Variants in FAM135B observed in about 807,000 individuals in gnomAD.
The protein encoded by FAM135B is family with sequence similarity 135 member B.
Under a neutral mutation model 127.7 loss-of-function variants are expected in FAM135B, and 43 were observed. That is an observed-to-expected ratio of 0.34 (90% CI 0.26 to 0.43). The LOEUF (loss-of-function observed/expected upper bound fraction) is 0.43, where lower values mean the gene tolerates loss of function less well. Among genes scored for constraint, FAM135B ranks in the 20% least tolerant of loss-of-function variants. The pLI, the probability that FAM135B is intolerant of heterozygous loss-of-function variation, is 1.00. For missense variants in FAM135B, 1,558 were observed against 1,725.6 expected (o/e 0.90, Z 1.72); for synonymous variants, 670 against 665.1 (o/e 1.01, Z -0.11).
At chr8:138,314,865 C>CG (rs1261936656) in intron 2 of FAM135B, among the ~76,000 whole-genome samples, 2 of 115,916 alleles carry the variant, frequency 1.7e-5, no homozygotes, top group East Asian at 5.2e-4. Flanking sequence ...GGTTGTCAGG[C>CG]GGAGACCTTA....
Position 138,243,195 on chromosome 8 carries a change from C to T in FAM135B, c.543-127G>A. 1 of 1,103,272 alleles carries T rather than the reference C, an allele frequency of 9.1e-7. No individual in the cohort carries two copies. Among genetic ancestry groups the T allele is most frequent in the South Asian group, 1.8e-5 (1 of 54,656 alleles). The allele number at this position is 1,103,272 out of a possible 1,614,324, so 68.3% of individuals were successfully genotyped here. A position where few individuals can be genotyped will look rare whatever the true frequency, so the allele number is the denominator to read the frequency against. ...AAGTCATTTAGGAGTAGTTCACCCCCTAGGGAGTGTTTGCATGTGACATTT... is the reference window on the plus strand; with the variant it reads ...AAGTCATTTAGGAGTAGTTCACCCCTTAGGGAGTGTTTGCATGTGACATTT... On this transcript the variant is annotated intron_variant, in intron 6 of 19. Transcript: ENST00000395297. The surrounding 1 kb of genome is among the most constrained non-coding windows in gnomAD (Gnocchi z 7.5).
At chr8:138,140,734 T>C (rs1288879119) in intron 17 of FAM135B, among the ~76,000 whole-genome samples, 2 of 152,142 alleles carry the variant, frequency 1.3e-5, no homozygotes, top group Admixed American at 6.5e-5. Context: ...CATATATGTA[T>C]ACATACATAT....
chr8:138,430,911 C>T (rs923097379), intron 1 of FAM135B, among the ~76,000 whole-genome samples: 1 of 152,114 alleles, frequency 6.6e-6, no homozygotes, highest in Non-Finnish European at 1.5e-5. Flanking sequence ...TTCCTCATCC[C>T]TAAAATGGGA....
chr8:138,378,730 T>G (rs1467895087), intron 1 of FAM135B, among the ~76,000 whole-genome samples: 4 of 151,114 alleles, frequency 2.6e-5, no homozygotes, highest in Non-Finnish European at 5.9e-5. Context: ...GCTGTGTATG[T>G]TTGCTTTTTT....
intron 1 of FAM135B, among the ~76,000 whole-genome samples, chr8:138,418,886 A>C (rs554751870): frequency 1.0e-3 from 144 of 143,572 alleles, no homozygotes; most frequent in Middle Eastern, 3.6e-3. Flanking sequence ...ACCAACCACA[A>C]AAAAAAAAAA....
At chr8:138,233,004 T>C (rs1020641099) in intron 7 of FAM135B, among the ~76,000 whole-genome samples, 2 of 152,196 alleles carry the variant, frequency 1.3e-5, no homozygotes, top group African/African-American at 4.8e-5. Context: ...AGCTTGACTA[T>C]ATTAGATACC....
At chr8:138,391,469 G>A (rs1832572622) in intron 1 of FAM135B, among the ~76,000 whole-genome samples, 1 of 151,972 alleles carries the variant, frequency 6.6e-6, no homozygotes, top group South Asian at 2.1e-4. Flanking sequence ...GAACAGTCAA[G>A]CCATTTCATA....
chr8:138,200,303 T>G (rs780249243), intron 7 of FAM135B, among the ~76,000 whole-genome samples: 2 of 152,214 alleles, frequency 1.3e-5, no homozygotes, highest in Non-Finnish European at 2.9e-5. Context: ...CACCAGGCAT[T>G]CAGGGTAACC....
chr8:138,347,460 G>A (rs1192423645), intron 2 of FAM135B, among the ~76,000 whole-genome samples: 2 of 152,166 alleles, frequency 1.3e-5, no homozygotes, highest in Admixed American at 1.3e-4. Flanking sequence ...AGTCCCACAG[G>A]TCACCTCTGC....
chr8:138,178,384 G>C (rs538223829), intron 10 of FAM135B, 151 bp downstream of exon 10: 2 of 812,086 alleles, frequency 2.5e-6, no homozygotes, highest in South Asian at 3.6e-5. Flanking sequence ...GGCTAAGGAA[G>C]TTCACAACGC....
In FAM135B at chr8:138,137,228, C is replaced by A. The variant is rs766407169; in HGVS notation, c.3934G>T (p.Ala1312Ser). Residue 1312 changes from alanine (A) to serine (S), a missense_variant, in exon 19 of 20, where the codon GCT becomes TCT. Physicochemically the swap from Ala to Ser is moderately conservative, Grantham distance 99 (BLOSUM62 1). This residue lies in a region of FAM135B where 194 missense variants were observed against 333.8 expected (regional missense o/e 0.58). Transcript: ENST00000395297. ...GGCACATAACGGTCTTGGGGAGAAG[C>A]AACCAGCACGACGTTTTTAAAATAC... ...LQYFKNVVLV[A>S]SPQDRYVPFH... 3 of 1,611,436 alleles carry A rather than the reference C, an allele frequency of 1.9e-6. No homozygotes were observed. The highest frequency in any genetic ancestry group is 2.5e-6 in the Non-Finnish European group (3 of 1,177,574).
chr8:138,302,187 C>G (rs901157457), intron 3 of FAM135B, among the ~76,000 whole-genome samples: 7 of 151,830 alleles, frequency 4.6e-5, no homozygotes, highest in Admixed American at 6.6e-5. Context: ...AAATGAATTC[C>G]AAGGAGGGGG....
At chr8:138,343,840 C>T (rs186575485) in intron 2 of FAM135B, among the ~76,000 whole-genome samples, 30 of 152,344 alleles carry the variant, frequency 2.0e-4, no homozygotes, top group African/African-American at 6.5e-4. Flanking sequence ...CAGCCCCCTG[C>T]AGTGCACTGG....
Position 138,466,885 on chromosome 8 carries a change from G to T in FAM135B, c.-20+29786C>A, listed in dbSNP as rs141631296. ...AGCAAATTTATACAAACTTTACTTT[G>T]ATGATTCAGGATCAGGCAGTTGTGT... On this transcript the variant is annotated intron_variant, in intron 1 of 19. Transcript: ENST00000395297. Among the ~76,000 whole-genome samples, 107 of 152,246 alleles carry T rather than the reference G, an allele frequency of 7.0e-4. 3 individuals carry two copies. In the East Asian group the frequency reaches 0.019, roughly 27 times the overall value.
rs575052588 is a variant in FAM135B, at chr8:138,276,880, T to C, written c.158-11038A>G. Among the ~76,000 whole-genome samples the C allele has an allele frequency of 3.2e-4, 49 of 152,264 alleles. No individual in the cohort carries two copies. In the South Asian group the frequency reaches 9.3e-3, roughly 29 times the overall value. On this transcript the variant is annotated intron_variant, in intron 3 of 19. Transcript: ENST00000395297. ...ACCGGCTGCCCTGGTGTAAATCCTC[T>C]AGCTATGAATGATAGAGAAGGTGAG...
Position 138,182,225 on chromosome 8 carries a change from G to C in FAM135B, c.874-3535C>G, listed in dbSNP as rs531456927. Among the ~76,000 whole-genome samples, 6 of 152,362 alleles carry C rather than the reference G, an allele frequency of 3.9e-5. No homozygotes were observed. In the East Asian group the frequency reaches 1.2e-3, roughly 29 times the overall value. On this transcript the variant is annotated intron_variant, in intron 9 of 19. Transcript: ENST00000395297. ...GTTGCCTCAAGTTGATTATAGAAAT[G>C]GCTTTAGATAAGGTTAAAGAAGCTT...
intron 9 of FAM135B, among the ~76,000 whole-genome samples, chr8:138,185,292 C>T (rs1815444787): frequency 6.6e-6 from 1 of 152,152 alleles, no homozygotes; most frequent in Non-Finnish European, 1.5e-5. Context: ...GAATGGCTTT[C>T]CTTCACTCAT....
chr8:138,466,606 A>T (rs561391177), intron 1 of FAM135B, among the ~76,000 whole-genome samples: 1 of 152,324 alleles, frequency 6.6e-6, no homozygotes, highest in African/African-American at 2.4e-5. Context: ...TTCATGACTG[A>T]ACAACCGAAT....
At chr8:138,256,426 T>A (rs893638924) in intron 5 of FAM135B, among the ~76,000 whole-genome samples, 2 of 152,140 alleles carry the variant, frequency 1.3e-5, no homozygotes, top group African/African-American at 4.8e-5. Context: ...GTGTCAGACA[T>A]GAGAAAGTGC....
Sources: gnomAD v4.1 joint callset for allele counts (sites outside exome capture counted in the v4.1 genomes callset) on GRCh38, gnomAD v4.1.1 for gene constraint, gnomAD v4.1.1 regional missense constraint, Gnocchi (gnomAD v3.1) non-coding constraint, MANE v1.5 for transcripts, NCBI Gene and HGNC (gene_info 2026-07-23, HGNC 2026-07-21) for gene names.